Variants in ENTREP2 observed in about 807,000 individuals in gnomAD.
The protein encoded by ENTREP2 is protein ENTREP2.
the ENTREP2 span, among the ~76,000 whole-genome samples, chr15:29,366,467 T>A: frequency 1.3e-5 from 2 of 152,216 alleles, no homozygotes; most frequent in Non-Finnish European, 2.9e-5. Context: ...CCATTTAAAA[T>A]GCACGGTTCC....
At chr15:29,654,825 A>T in the ENTREP2 span, among the ~76,000 whole-genome samples, 1 of 152,234 alleles carries the variant, frequency 6.6e-6, no homozygotes, top group Non-Finnish European at 1.5e-5. Context: ...GTCCTGACTA[A>T]TACCTCCTGT....
the ENTREP2 span, among the ~76,000 whole-genome samples, chr15:29,359,027 A>C: frequency 6.6e-6 from 1 of 152,236 alleles, no homozygotes; most frequent in Non-Finnish European, 1.5e-5. Context: ...ATAAAACACT[A>C]AATTGAGACA....
At chr15:29,657,483 C>CGGGGCGGT in the ENTREP2 span, among the ~76,000 whole-genome samples, 1 of 69,382 alleles carries the variant, frequency 1.4e-5, no homozygotes, top group African/African-American at 6.0e-5. Context: ...GCTGGGGGGG[C>CGGGGCGGT]GGGGGGGGGG....
chr15:29,600,424 C>G, the ENTREP2 span, among the ~76,000 whole-genome samples: 3 of 148,934 alleles, frequency 2.0e-5, no homozygotes, highest in African/African-American at 7.7e-5. Context: ...CAAAGCCCAT[C>G]CCAGTTCTCT....
At chr15:29,274,916 T>C in the ENTREP2 span, among the ~76,000 whole-genome samples, 2 of 152,206 alleles carry the variant, frequency 1.3e-5, no homozygotes, top group Non-Finnish European at 2.9e-5. Flanking sequence ...AAGTAAATTA[T>C]GTGGGGAGGA....
At chr15:29,510,968 C>A in the ENTREP2 span, among the ~76,000 whole-genome samples, 1 of 152,188 alleles carries the variant, frequency 6.6e-6, no homozygotes, top group African/African-American at 2.4e-5. Context: ...CATATTCTCA[C>A]TCATAAGTGG....
chr15:29,478,219 G>A, the ENTREP2 span, among the ~76,000 whole-genome samples: 3 of 151,468 alleles, frequency 2.0e-5, no homozygotes, highest in Non-Finnish European at 4.4e-5. Context: ...AGTAGAAACA[G>A]AGTTTCACCA....
At chr15:29,491,561 A>T in the ENTREP2 span, among the ~76,000 whole-genome samples, 1 of 152,152 alleles carries the variant, frequency 6.6e-6, no homozygotes, top group African/African-American at 2.4e-5. Context: ...GAAGGCTTTA[A>T]ATCTAAAGAG....
At chr15:29,562,687 T>C in the ENTREP2 span, among the ~76,000 whole-genome samples, 3 of 152,240 alleles carry the variant, frequency 2.0e-5, no homozygotes, top group Non-Finnish European at 4.4e-5. Flanking sequence ...TCCAGTGTAC[T>C]ATATCTTCAA....
the ENTREP2 span, among the ~76,000 whole-genome samples, chr15:29,279,282 T>C: frequency 2.0e-5 from 3 of 152,176 alleles, no homozygotes; most frequent in East Asian, 1.9e-4. Flanking sequence ...CTGTTATTTT[T>C]CAGGATTATT....
the ENTREP2 span, among the ~76,000 whole-genome samples, chr15:29,669,611 C>A: frequency 3.3e-5 from 5 of 152,204 alleles, no homozygotes; most frequent in Non-Finnish European, 7.3e-5. Flanking sequence ...ACATCCGAGG[C>A]TTATCCAGAG....
At chr15:29,403,156 A>C in the ENTREP2 span, among the ~76,000 whole-genome samples, 17 of 152,262 alleles carry the variant, frequency 1.1e-4, no homozygotes, top group East Asian at 3.1e-3. Context: ...ATCTGCACAG[A>C]AAGTGGTTAG....
At chr15:29,225,908 G>A in the ENTREP2 span, among the ~76,000 whole-genome samples, 3 of 152,166 alleles carry the variant, frequency 2.0e-5, no homozygotes, top group Non-Finnish European at 4.4e-5. Context: ...ACCTCCCCAC[G>A]TCTTTCCTCG....
the ENTREP2 span, among the ~76,000 whole-genome samples, chr15:29,400,843 C>A: frequency 2.0e-5 from 3 of 152,362 alleles, no homozygotes; most frequent in East Asian, 1.9e-4. Context: ...GTGCCTTTGA[C>A]GTGTGAGGTC....
chr15:29,291,649 C>T, the ENTREP2 span, among the ~76,000 whole-genome samples: 21 of 152,306 alleles, frequency 1.4e-4, no homozygotes, highest in Middle Eastern at 3.4e-3. Context: ...ATACACTTCT[C>T]GTGCTTCCAA....
chr15:29,282,851 A>G, the ENTREP2 span, among the ~76,000 whole-genome samples: 28 of 152,262 alleles, frequency 1.8e-4, no homozygotes, highest in African/African-American at 6.5e-4. Flanking sequence ...ACTGGTCTCA[A>G]TATGGTGATG....
chr15:29,358,672 G>GA, the ENTREP2 span, among the ~76,000 whole-genome samples: 3 of 151,114 alleles, frequency 2.0e-5, no homozygotes, highest in African/African-American at 2.4e-5. Flanking sequence ...ACTGTCAGTA[G>GA]AAAAAAAAGC....
At chr15:29,429,399 T>C in the ENTREP2 span, among the ~76,000 whole-genome samples, 1 of 152,088 alleles carries the variant, frequency 6.6e-6, no homozygotes, top group African/African-American at 2.4e-5. Context: ...TTTTAAAAAT[T>C]TTGTAGAGAC....
At chr15:29,140,503 C>T in the ENTREP2 span, among the ~76,000 whole-genome samples, 1 of 152,210 alleles carries the variant, frequency 6.6e-6, no homozygotes, top group South Asian at 2.1e-4. Flanking sequence ...GACCCTGGCT[C>T]ACTGAACTCC....
Sources: gnomAD v4.1 joint callset for allele counts (sites outside exome capture counted in the v4.1 genomes callset) on GRCh38, gnomAD v4.1.1 for gene constraint, MANE v1.5 for transcripts, NCBI Gene and HGNC (gene_info 2026-07-23, HGNC 2026-07-21) for gene names.